LIN9: variants seen among roughly 807,000 people sequenced by gnomAD.
LIN9 encodes protein lin-9 homolog.
In LIN9, 18 loss-of-function variants were observed where a neutral mutation model predicts 78.0. The ratio of observed to expected loss-of-function variants is 0.23; its 90% CI spans 0.16 to 0.34. LIN9 has a LOEUF of 0.34. LIN9 is among the 10% of genes least tolerant of loss of function. LIN9 has a pLI of 1.00. For missense variants in LIN9, 451 were observed against 644.1 expected, an observed-to-expected ratio of 0.70 and a Z score of 3.25; for synonymous variants, 192 against 215.2, an observed-to-expected ratio of 0.89 and a Z score of 0.94.
intron 10 of LIN9, among the ~76,000 whole-genome samples, chr1:226,264,172 A>G (rs2102904691): frequency 6.6e-6 from 1 of 151,830 alleles, no homozygotes; most frequent in South Asian, 2.1e-4. Context: ...TGAGGTCAGG[A>G]GTTTGAGACC....
intron 8 of LIN9, among the ~76,000 whole-genome samples, 185 bp from the exon 9 acceptor site, chr1:226,266,517 T>C (rs546705993): frequency 1.3e-5 from 2 of 150,892 alleles, no homozygotes; most frequent in East Asian, 3.9e-4. Flanking sequence ...AGGCTAGAAC[T>C]TGAAACAGAG....
At chr1:226,266,539 T>C (rs929054034) in intron 8 of LIN9, among the ~76,000 whole-genome samples, 1 of 148,158 alleles carries the variant, frequency 6.7e-6, no homozygotes, top group African/African-American at 2.5e-5. Context: ...ATGAAAACAC[T>C]ACTTTGCTGC....
At chr1:226,233,638 A>C in intron 12 of LIN9, 115 bp from the exon 13 acceptor site, 1 of 638,442 alleles carries the variant, frequency 1.6e-6, no homozygotes, top group South Asian at 5.1e-5. Context: ...ATTTAAAACT[A>C]AAGTGGTACT....
In LIN9 at chr1:226,281,673, T is replaced by G. The variant is rs375646844; in HGVS notation, c.525-3741A>C. 2.4e-3 allele frequency among the ~76,000 whole-genome samples: 367 copies of G among 151,890 alleles called. 18 individuals are homozygous for G. In the South Asian group the frequency reaches 0.069, roughly 28 times the overall value. On this transcript the variant is annotated intron_variant, in intron 6 of 14. Coordinates refer to ENST00000681046, the MANE Select transcript of LIN9 (RefSeq NM_001366245.2). ...ACCCAGGACCCATACTATTTCCCTATAGTTGACAATTTTTTTTTCTTTTTC... is the reference window on the plus strand; with the variant it reads ...ACCCAGGACCCATACTATTTCCCTAGAGTTGACAATTTTTTTTTCTTTTTC...
Position 226,250,780 on chromosome 1 carries a change from T to C in LIN9, c.1119+59A>G. On this transcript the variant is annotated intron_variant, in intron 11 of 14. Transcript: ENST00000681046. ...ATATTTTTAAATCATTAGATATAGATGGTCTCACTATTTTAAAATTAGACA... is the reference window on the plus strand; with the variant it reads ...ATATTTTTAAATCATTAGATATAGACGGTCTCACTATTTTAAAATTAGACA... The C allele has an allele frequency of 3.6e-6, 3 of 827,926 alleles. No individual in the cohort carries two copies. The Admixed American group carries it at 6.8e-5, about 19-fold the overall frequency. 51.3% of individuals were successfully genotyped at this position (827,926 alleles called of 1,614,324 possible). A position where few individuals can be genotyped will look rare whatever the true frequency, so the allele number is the denominator to read the frequency against.
chr1:226,233,245 C>T, intron 13 of LIN9, 52 bp from the exon 14 acceptor site: 1 of 1,522,012 alleles, frequency 6.6e-7, no homozygotes. Flanking sequence ...CAAATATAGT[C>T]ATAAAATACC....
chr1:226,272,495 G>T (rs754107184), intron 7 of LIN9, among the ~76,000 whole-genome samples: 3 of 147,502 alleles, frequency 2.0e-5, no homozygotes, highest in Non-Finnish European at 4.5e-5. Flanking sequence ...TCGTCTCAGC[G>T]TCCTGAGTAG....
chr1:226,277,867 A>G lies in LIN9; in HGVS notation c.590T>C (p.Leu197Pro). The G allele has an allele frequency of 1.9e-6, 3 of 1,613,718 alleles. No homozygotes were observed. Among genetic ancestry groups the G allele is most frequent in the Non-Finnish European group, 2.5e-6 (3 of 1,179,720 alleles). ...ATCTGCAACTTTCCTTTGTTGTAAG[A>G]GCCTTATTTTCTGCCGTTTCTGTTT... ...ALKQKRQKIR[L>P]LQQRKVADVS... Residue 197 changes from leucine (L) to proline (P), a missense_variant, in exon 7 of 15, where the codon CTC becomes CCC. Physicochemically the swap from Leu to Pro is moderately conservative, Grantham distance 98 (BLOSUM62 -3). Coordinates refer to ENST00000681046, the MANE Select transcript of LIN9 (RefSeq NM_001366245.2).
intron 3 of LIN9, among the ~76,000 whole-genome samples, 184 bp from the exon 4 acceptor site, chr1:226,296,130 G>A (rs536554180): frequency 1.3e-5 from 2 of 152,300 alleles, no homozygotes; most frequent in East Asian, 3.9e-4. Flanking sequence ...AAAGCAGTAA[G>A]ATGTATTTAT....
intron 11 of LIN9, among the ~76,000 whole-genome samples, chr1:226,248,220 G>A (rs771632624): frequency 1.3e-5 from 2 of 152,192 alleles, no homozygotes; most frequent in Non-Finnish European, 2.9e-5. Context: ...TGAAGAAGGG[G>A]AACAAGGAGA....
At chr1:226,283,210 T>G (rs1215275851) in intron 6 of LIN9, among the ~76,000 whole-genome samples, 1 of 150,672 alleles carries the variant, frequency 6.6e-6, no homozygotes, top group Non-Finnish European at 1.5e-5. Context: ...CACTGCAGCC[T>G]CAACATCCAG....
At chr1:226,256,659 C>T (rs1206343152) in intron 10 of LIN9, among the ~76,000 whole-genome samples, 1 of 151,258 alleles carries the variant, frequency 6.6e-6, no homozygotes, top group African/African-American at 2.4e-5. Flanking sequence ...CCTGGGTTCA[C>T]AACAGTCTCC....
At chr1:226,309,479 A>G (rs1663165106), upstream of LIN9, 1 of 1,107,520 alleles carries the variant, frequency 9.0e-7, no homozygotes, top group South Asian at 1.9e-5. Flanking sequence ...CTCCCGGCGC[A>G]TGTTCCGCGG....
intron 12 of LIN9, among the ~76,000 whole-genome samples, chr1:226,234,117 A>G (rs771235342): frequency 3.9e-5 from 6 of 152,168 alleles, no homozygotes; most frequent in African/African-American, 4.8e-5. Context: ...TCTTTGATCA[A>G]TTGGTAAGTT....
chr1:226,286,882 CAGA>C (rs754112002), intron 5 of LIN9, among the ~76,000 whole-genome samples: 6 of 152,150 alleles, frequency 3.9e-5, no homozygotes, highest in Non-Finnish European at 8.8e-5. Context: ...TGGGGGATCC[CAGA>C]AGAACTCAGA....
chr1:226,236,981 ATGT>A (rs1319757192), intron 12 of LIN9, among the ~76,000 whole-genome samples: 1 of 152,226 alleles, frequency 6.6e-6, no homozygotes, highest in Non-Finnish European at 1.5e-5. Context: ...TGGTAAATAC[ATGT>A]TGATGTATCT....
intron 4 of LIN9, among the ~76,000 whole-genome samples, chr1:226,291,688 C>T (rs1202858753): frequency 6.6e-6 from 1 of 151,968 alleles, no homozygotes; most frequent in Admixed American, 6.6e-5. Context: ...TACATATTCC[C>T]ACATGCCCTT....
At chr1:226,272,034 C>T (rs1422649828) in intron 7 of LIN9, among the ~76,000 whole-genome samples, 1 of 149,694 alleles carries the variant, frequency 6.7e-6, no homozygotes, top group Non-Finnish European at 1.5e-5. Flanking sequence ...TTTTTTAATC[C>T]GTTCTCATTA....
chr1:226,284,114 T>C lies in LIN9; in HGVS notation c.524+2219A>G, dbSNP rs575407963. On this transcript the variant is annotated intron_variant, in intron 6 of 14. Transcript: ENST00000681046. ...CATGAGAACAACTTGTTTTTTTCTA[T>C]AGACTACTAAACAGTAGTCTCGGTT... Among the ~76,000 whole-genome samples the C allele has an allele frequency of 1.1e-4, 16 of 152,328 alleles. No homozygotes were observed. The South Asian group carries it at 1.5e-3, about 14-fold the overall frequency.
Sources: gnomAD v4.1 joint callset for allele counts (sites outside exome capture counted in the v4.1 genomes callset) on GRCh38, gnomAD v4.1.1 for gene constraint, MANE v1.5 for transcripts, NCBI Gene and HGNC (gene_info 2026-07-23, HGNC 2026-07-21) for gene names.